The following SV2C variants were observed in gnomAD, a reference collection of about 807,000 sequenced individuals.
SV2C encodes solute carrier family 22 member B3.
A neutral mutation model predicts 79.7 loss-of-function variants in SV2C; 49 were observed. The ratio of observed to expected loss-of-function variants is 0.61; its 90% CI spans 0.49 to 0.78. The LOEUF (loss-of-function observed/expected upper bound fraction) is 0.78, where lower values mean the gene tolerates loss of function less well. Among genes scored for constraint, SV2C ranks in the 30% least tolerant of loss-of-function variants. The pLI is 0.00. For missense variants in SV2C, 833 were observed against 912.9 expected (o/e 0.91, Z 1.13); for synonymous variants, 334 against 333.2 (o/e 1.00, Z -0.03).
chr5:75,921,400 C>T, the SV2C span: 17 of 828,282 alleles, frequency 2.1e-5, no homozygotes, highest in East Asian at 7.3e-5. Context: ...GGTCAAACTG[C>T]GCTTGGGGAA....
At chr5:75,877,364 A>G in the SV2C span, among the ~76,000 whole-genome samples, 1 of 152,082 alleles carries the variant, frequency 6.6e-6, no homozygotes, top group African/African-American at 2.4e-5. Flanking sequence ...TCAGTAGTAG[A>G]CAGAACAAGA....
At chr5:76,352,212 TAAAACAAAAC>T (rs558482890) in intron 12 of SV2C, among the ~76,000 whole-genome samples, 5 of 151,832 alleles carry the variant, frequency 3.3e-5, no homozygotes, top group African/African-American at 1.2e-4. Flanking sequence ...GACTCTGTCT[TAAAACAAAAC>T]AAAACAAAAC....
intron 1 of SV2C, among the ~76,000 whole-genome samples, chr5:76,106,068 C>T (rs1747899970): frequency 6.6e-6 from 1 of 152,132 alleles, no homozygotes; most frequent in Admixed American, 6.6e-5. Flanking sequence ...TAATCAATAG[C>T]TTAAATTTAA....
rs1235948508 is a variant in SV2C, at chr5:76,154,102, T to C, written c.580+21772T>C. ...GAGGTGCTGTCAGGATTGGTGACAA[T>C]GTACAAAAAGCATCTAGTACTAGAA... On this transcript the variant is annotated intron_variant, in intron 2 of 12. Coordinates refer to ENST00000502798, the MANE Select transcript of SV2C (RefSeq NM_014979.4). 7.2e-5 allele frequency among the ~76,000 whole-genome samples: 11 copies of C among 152,182 alleles called. No individual in the cohort carries two copies. In the South Asian group the frequency reaches 1.2e-3, roughly 17 times the overall value.
intron 10 of SV2C, among the ~76,000 whole-genome samples, chr5:76,299,396 A>G (rs1483383433): frequency 6.6e-6 from 1 of 152,126 alleles, no homozygotes; most frequent in African/African-American, 2.4e-5. Context: ...TTGATTGAAC[A>G]CCTATATACT....
At chr5:76,197,735 T>TAGATAGATAGATAGATAGATAGATA (rs34645140) in intron 3 of SV2C, among the ~76,000 whole-genome samples, 8 of 152,036 alleles carry the variant, frequency 5.3e-5, no homozygotes, top group African/African-American at 1.9e-4. Context: ...GATAGATAGA[T>TAGATAGATAGATAGATAGATAGATA]ATGAGACAGG....
chr5:75,964,983 T>C, the SV2C span, among the ~76,000 whole-genome samples: 1 of 152,146 alleles, frequency 6.6e-6, no homozygotes, highest in South Asian at 2.1e-4. Context: ...ACTACAATAG[T>C]ATATTTACTG....
intron 1 of SV2C, among the ~76,000 whole-genome samples, chr5:76,102,248 G>A (rs576900949): frequency 8.0e-4 from 122 of 152,080 alleles, no homozygotes; most frequent in Non-Finnish European, 1.4e-3. Context: ...AGTCCTTGAT[G>A]GCATCATGCT....
chr5:76,068,727 T>C, the SV2C span, among the ~76,000 whole-genome samples: 1 of 152,192 alleles, frequency 6.6e-6, no homozygotes, highest in Non-Finnish European at 1.5e-5. Flanking sequence ...TACCAAAAGC[T>C]ATATAAGAGG....
the SV2C span, among the ~76,000 whole-genome samples, chr5:75,949,437 C>T: frequency 1.8e-4 from 28 of 151,906 alleles, no homozygotes; most frequent in African/African-American, 6.8e-4. Flanking sequence ...CAGTTGGAGA[C>T]TGGTGTAGTA....
the SV2C span, among the ~76,000 whole-genome samples, chr5:75,971,835 C>T: frequency 6.6e-6 from 1 of 151,994 alleles, no homozygotes; most frequent in South Asian, 2.1e-4. Flanking sequence ...CTTGAAAGTT[C>T]ATATGGAACC....
intron 4 of SV2C, among the ~76,000 whole-genome samples, chr5:76,268,765 C>T (rs1352687307): frequency 1.3e-5 from 2 of 152,176 alleles, no homozygotes; most frequent in African/African-American, 4.8e-5. Context: ...TTTACTCTTT[C>T]ATTGTGTGTC....
intron 4 of SV2C, among the ~76,000 whole-genome samples, chr5:76,261,856 T>A (rs146075717): frequency 6.6e-6 from 1 of 152,358 alleles, no homozygotes; most frequent in East Asian, 1.9e-4. Flanking sequence ...AGTATTTTAT[T>A]GAGGGTTTTT....
the SV2C span, among the ~76,000 whole-genome samples, chr5:75,953,038 G>T: frequency 6.6e-6 from 1 of 151,960 alleles, no homozygotes; most frequent in African/African-American, 2.4e-5. Context: ...AGAAAAAAAG[G>T]TTTATTTGGC....
chr5:76,121,985 A>G lies in SV2C; in HGVS notation c.-101-9665A>G, dbSNP rs1231616712. ...CAGTATGGCCATTTTCACGATATTG[A>G]TTCTTCCTACCCATGAGCATGGAAT... On this transcript the variant is annotated intron_variant, in intron 1 of 12. Coordinates refer to ENST00000502798, the MANE Select transcript of SV2C (RefSeq NM_014979.4). Among the ~76,000 whole-genome samples the G allele has an allele frequency of 3.9e-5, 6 of 152,200 alleles. No homozygotes were observed. In the South Asian group the frequency reaches 1.2e-3, roughly 32 times the overall value.
the SV2C span, among the ~76,000 whole-genome samples, chr5:75,857,143 G>C: frequency 0.026 from 3,986 of 151,922 alleles, 166 homozygotes; most frequent in African/African-American, 0.092. Flanking sequence ...ATTTTTAGTA[G>C]AGACAGGGTT....
At chr5:75,883,600 C>A in the SV2C span, among the ~76,000 whole-genome samples, 1 of 145,506 alleles carries the variant, frequency 6.9e-6, no homozygotes, top group Non-Finnish European at 1.5e-5. Context: ...AAAAACCCAA[C>A]ACCGCATATT....
At chr5:75,910,637 C>A in the SV2C span, 1 of 896,004 alleles carries the variant, frequency 1.1e-6, no homozygotes, top group Non-Finnish European at 1.8e-6. Flanking sequence ...TGCCCAACAT[C>A]ACCTGGATGC....
chr5:76,082,533 C>G (rs949441660), upstream of SV2C: 1 of 152,176 alleles, frequency 6.6e-6, no homozygotes, highest in South Asian at 2.1e-4. Context: ...TCTCTCTTCT[C>G]TCCTCTCTCT....
Sources: allele counts gnomAD v4.1 joint callset (sites outside exome capture counted in the v4.1 genomes callset), GRCh38; gene constraint gnomAD v4.1.1; transcripts MANE v1.5; gene names NCBI Gene and HGNC (gene_info 2026-07-23, HGNC 2026-07-21).